SLCO4C1: variants seen among roughly 807,000 people sequenced by gnomAD.
SLCO4C1 encodes organic anion transporter M1.
Under a neutral mutation model 72.1 loss-of-function variants are expected in SLCO4C1, and 58 were observed. That is an observed-to-expected ratio of 0.80 (90% CI 0.65 to 1.00). The LOEUF (loss-of-function observed/expected upper bound fraction) is 1.00. Ranked by LOEUF, SLCO4C1 falls within the 50% of genes least tolerant of loss-of-function variation. The probability of loss-of-function intolerance (pLI) is 0.00; values close to 1 mark genes in which losing one functional copy is unlikely to be tolerated. For synonymous variants in SLCO4C1, 297 were observed against 312.5 expected (o/e 0.95, Z 0.52); for missense variants, 898 against 857.9 (o/e 1.05, Z -0.58).
Position 102,278,956 on chromosome 5 carries a change from A to G in SLCO4C1, c.620-8150T>C, listed in dbSNP as rs566185305. 2.0e-5 allele frequency among the ~76,000 whole-genome samples: 3 copies of G among 151,756 alleles called. No homozygotes were observed. In the South Asian group the frequency reaches 6.2e-4, roughly 31 times the overall value. On this transcript the variant is annotated intron_variant, in intron 2 of 12. Coordinates refer to ENST00000310954, the MANE Select transcript of SLCO4C1 (RefSeq NM_180991.5). ...ACCTAGAGAAAAATAATAATAGAAT[A>G]AATTTAAAATAAGTAGAAGGAAGAA...
At chr5:102,251,543 T>A (rs1048186248) in intron 8 of SLCO4C1, among the ~76,000 whole-genome samples, 1 of 151,940 alleles carries the variant, frequency 6.6e-6, no homozygotes, top group Non-Finnish European at 1.5e-5. Context: ...TGAGTTATGA[T>A]TGTGCCACTG....
In SLCO4C1 at chr5:102,235,112, T is replaced by G. The variant is rs1228651584; in HGVS notation, c.*1746A>C. On this transcript the variant is annotated 3_prime_UTR_variant, in exon 13 of 13. Coordinates refer to ENST00000310954, the MANE Select transcript of SLCO4C1 (RefSeq NM_180991.5). ...CTCATTCCTTCTCCTTGAATTTCAC[T>G]TTACAATTGCGCTAGGTTCTAACAT... is the stretch of plus-strand genomic sequence containing the variant. The G allele has an allele frequency of 6.6e-6, 1 of 152,162 alleles. No individual in the cohort carries two copies. The highest frequency in any genetic ancestry group is 1.5e-5 in the Non-Finnish European group (1 of 68,034). 9.4% of individuals were successfully genotyped at this position (152,162 alleles called of 1,614,324 possible). A position where few individuals can be genotyped will look rare whatever the true frequency, so the allele number is the denominator to read the frequency against.
At position 102,275,437 on chromosome 5, in the gene SLCO4C1, T is replaced by A. The variant is rs559407746; in HGVS notation, c.620-4631A>T. Among the ~76,000 whole-genome samples, 12 of 152,234 alleles carry A rather than the reference T, an allele frequency of 7.9e-5. No homozygotes were observed. The South Asian group carries it at 2.5e-3, about 32-fold the overall frequency. ...TCATAGAACAAAATACTTAAATATATAATTTAAAGAAATATCACTATACTG... is the reference window on the plus strand; with the variant it reads ...TCATAGAACAAAATACTTAAATATAAAATTTAAAGAAATATCACTATACTG... On this transcript the variant is annotated intron_variant, in intron 2 of 12. Coordinates refer to ENST00000310954, the MANE Select transcript of SLCO4C1 (RefSeq NM_180991.5).
At chr5:102,240,565 A>G (rs2112333671) in intron 11 of SLCO4C1, among the ~76,000 whole-genome samples, 153 bp downstream of exon 11, 1 of 152,222 alleles carries the variant, frequency 6.6e-6, no homozygotes, top group East Asian at 1.9e-4. Context: ...AAATAATCCT[A>G]TATCTGAAAC....
intron 10 of SLCO4C1, among the ~76,000 whole-genome samples, chr5:102,243,243 A>G (rs1287970910): frequency 6.6e-6 from 1 of 152,178 alleles, no homozygotes. Flanking sequence ...TCTGGGTGGC[A>G]CTTCTAGACC....
intron 2 of SLCO4C1, among the ~76,000 whole-genome samples, chr5:102,285,240 A>T (rs941507298): frequency 1.2e-5 from 1 of 84,490 alleles, no homozygotes; most frequent in Non-Finnish European, 2.4e-5. Flanking sequence ...CACACACACA[A>T]ATATATACAC....
At position 102,284,846 on chromosome 5, in the gene SLCO4C1, T is replaced by C. The variant is rs184778254; in HGVS notation, c.619+6497A>G. On this transcript the variant is annotated intron_variant, in intron 2 of 12. Coordinates refer to ENST00000310954, the MANE Select transcript of SLCO4C1 (RefSeq NM_180991.5). ...TGCTAAAATTTCATTGACACATTTT[T>C]TTCCTACTTATTTTTCTCTGTAAGT... Among the ~76,000 whole-genome samples the C allele has an allele frequency of 3.3e-3, 509 of 152,286 alleles. 2 individuals carry two copies. The highest frequency in any genetic ancestry group is 0.012 in the African/African-American group (488 of 41,564).
chr5:102,272,643 G>A (rs918667306), intron 2 of SLCO4C1, among the ~76,000 whole-genome samples: 3 of 152,064 alleles, frequency 2.0e-5, no homozygotes, highest in Non-Finnish European at 2.9e-5. Flanking sequence ...GCTCAAAACG[G>A]GGATTTAATA....
intron 8 of SLCO4C1, among the ~76,000 whole-genome samples, chr5:102,253,076 A>G (rs965649076): frequency 6.6e-6 from 1 of 152,164 alleles, no homozygotes; most frequent in Admixed American, 6.5e-5. Flanking sequence ...ATTTCATATA[A>G]TCAATAAAAT....
At chr5:102,254,439 A>G (rs1413611510) in intron 8 of SLCO4C1, among the ~76,000 whole-genome samples, 1 of 152,140 alleles carries the variant, frequency 6.6e-6, no homozygotes, top group African/African-American at 2.4e-5. Flanking sequence ...GTGATCAGTG[A>G]TTTTTGATGT....
intron 8 of SLCO4C1, among the ~76,000 whole-genome samples, chr5:102,255,903 T>C (rs1011207343): frequency 3.9e-5 from 6 of 152,134 alleles, no homozygotes; most frequent in African/African-American, 1.4e-4. Context: ...CAACAAATGT[T>C]GAACAAATGT....
chr5:102,250,913 C>T (rs565137326), intron 8 of SLCO4C1, among the ~76,000 whole-genome samples: 91 of 151,786 alleles, frequency 6.0e-4, no homozygotes, highest in Admixed American at 9.9e-4. Flanking sequence ...CTTGAACCCA[C>T]GAGGCAGACG....
chr5:102,253,923 G>C (rs1748787429), intron 8 of SLCO4C1, among the ~76,000 whole-genome samples: 1 of 151,002 alleles, frequency 6.6e-6, no homozygotes, highest in African/African-American at 2.4e-5. Context: ...ATCTGCACAT[G>C]TACCCCCTGA....
At chr5:102,257,782 C>A (rs398228) in intron 7 of SLCO4C1, among the ~76,000 whole-genome samples, 161 bp downstream of exon 7, 113,769 of 151,350 alleles carry the variant, frequency 0.75, 42,798 homozygotes, top group Middle Eastern at 0.84. Context: ...CTATGCTCGG[C>A]TAATTTTTAT....
chr5:102,258,553 C>A (rs1748880748), intron 6 of SLCO4C1, among the ~76,000 whole-genome samples: 1 of 152,112 alleles, frequency 6.6e-6, no homozygotes, highest in South Asian at 2.1e-4. Flanking sequence ...TTACACTCAG[C>A]AATTAAGCAC....
Position 102,291,450 on chromosome 5 carries a change from T to C in SLCO4C1, c.512A>G (p.Lys171Arg). 1.2e-6 allele frequency: 2 copies of C among 1,614,160 alleles called. No individual in the cohort carries two copies. Among genetic ancestry groups the C allele is most frequent in the Non-Finnish European group, 1.7e-6 (2 of 1,180,026 alleles). Residue 171 changes from lysine (K) to arginine (R), a missense_variant, in exon 2 of 13, where the codon AAG becomes AGG. Lys to Arg is a conservative substitution (Grantham distance 26). Coordinates refer to ENST00000310954, the MANE Select transcript of SLCO4C1 (RefSeq NM_180991.5). ...FVSFFGERGH[K>R]PRWLAFAAFM... ...GGCTGCAAATGCAAGCCATCTCGGCTTATGTCCTCTTTCACCAAAGAATGA... is the reference window on the plus strand; with the variant it reads ...GGCTGCAAATGCAAGCCATCTCGGCCTATGTCCTCTTTCACCAAAGAATGA...
In SLCO4C1 at chr5:102,270,677, C is replaced by A; in HGVS notation, c.749G>T (p.Gly250Val). 1 of 1,612,978 alleles carries A rather than the reference C, an allele frequency of 6.2e-7. No individual in the cohort carries two copies. The highest frequency in any genetic ancestry group is 8.5e-7 in the Non-Finnish European group (1 of 1,179,434). ...GAGGTPLYTL[G>V]TAFLDDSVPT... ...CACAGAATCATCAAGAAAGGCTGTTCCCAGAGTATAAAGAGGAGTTCCTCC... is the reference window on the plus strand; with the variant it reads ...CACAGAATCATCAAGAAAGGCTGTTACCAGAGTATAAAGAGGAGTTCCTCC... The change falls in exon 3 of 13, where the codon GGA becomes GTA. Residue 250 changes from glycine to valine, a missense_variant. Coordinates refer to ENST00000310954, the MANE Select transcript of SLCO4C1 (RefSeq NM_180991.5).
chr5:102,279,005 T>C (rs1258045224), intron 2 of SLCO4C1, among the ~76,000 whole-genome samples: 1 of 150,806 alleles, frequency 6.6e-6, no homozygotes, highest in Non-Finnish European at 1.5e-5. Flanking sequence ...AATCAATAAA[T>C]TGGAAAATAG....
intron 3 of SLCO4C1, among the ~76,000 whole-genome samples, chr5:102,264,072 C>A (rs1180758614): frequency 6.6e-6 from 1 of 152,026 alleles, no homozygotes; most frequent in Admixed American, 6.6e-5. Flanking sequence ...TACCATTTAT[C>A]CTTTACTGAT....
Sources: allele counts gnomAD v4.1 joint callset (sites outside exome capture counted in the v4.1 genomes callset), GRCh38; gene constraint gnomAD v4.1.1; transcripts MANE v1.5; gene names NCBI Gene and HGNC (gene_info 2026-07-23, HGNC 2026-07-21).